The following DSCAM variants were observed in gnomAD, a reference collection of about 807,000 sequenced individuals.
DSCAM encodes the protein cell adhesion molecule DSCAM.
In DSCAM, 47 loss-of-function variants were observed where a neutral mutation model predicts 217.7. That is an observed-to-expected ratio of 0.22 (90% CI 0.17 to 0.28). The LOEUF is 0.28. DSCAM is among the 10% of genes least tolerant of loss of function. The pLI, the probability that DSCAM is intolerant of heterozygous loss-of-function variation, is 1.00. For missense variants in DSCAM, 2,080 were observed against 2,618.3 expected, an observed-to-expected ratio of 0.79 and a Z score of 4.49; for synonymous variants, 1,056 against 1,015.3, an observed-to-expected ratio of 1.04 and a Z score of -0.76.
intron 1 of DSCAM, among the ~76,000 whole-genome samples, chr21:40,819,080 G>A (rs1987457897): frequency 6.6e-6 from 1 of 152,140 alleles, no homozygotes; most frequent in Non-Finnish European, 1.5e-5. Context: ...AAGGTAGGCT[G>A]GATTCTTCAC....
chr21:40,619,397 C>T (rs2089449442), intron 3 of DSCAM, among the ~76,000 whole-genome samples: 1 of 152,110 alleles, frequency 6.6e-6, no homozygotes, highest in East Asian at 1.9e-4. Flanking sequence ...TCCAGCTAGA[C>T]AGATTCAAAA....
intron 3 of DSCAM, among the ~76,000 whole-genome samples, chr21:40,401,573 G>C (rs567170048): frequency 6.6e-6 from 1 of 152,314 alleles, no homozygotes; most frequent in African/African-American, 2.4e-5. Flanking sequence ...CTTGAAAGTA[G>C]TTTTGACCTT....
chr21:40,474,250 G>A (rs1009207874), intron 3 of DSCAM, among the ~76,000 whole-genome samples: 7 of 151,790 alleles, frequency 4.6e-5, no homozygotes, highest in East Asian at 1.9e-4. Context: ...CAGAGATTGC[G>A]CCACTGCACT....
At chr21:40,152,409 C>T (rs1011719834) in intron 16 of DSCAM, among the ~76,000 whole-genome samples, 1 of 152,214 alleles carries the variant, frequency 6.6e-6, no homozygotes, top group Non-Finnish European at 1.5e-5. Flanking sequence ...TTGAACTTTA[C>T]TCCCCCATTC....
intron 10 of DSCAM, among the ~76,000 whole-genome samples, chr21:40,294,483 A>G (rs2123442162): frequency 6.6e-6 from 1 of 152,360 alleles, no homozygotes; most frequent in African/African-American, 2.4e-5. Flanking sequence ...TGGTGGCCTA[A>G]GTGCCCTTGG....
chr21:40,159,329 A>G (rs1314830512), intron 16 of DSCAM, among the ~76,000 whole-genome samples: 2 of 152,188 alleles, frequency 1.3e-5, no homozygotes, highest in Non-Finnish European at 2.9e-5. Flanking sequence ...GGGAAATGTC[A>G]TCAGCGAGAT....
At chr21:40,834,777 G>A (rs1486096238) in intron 1 of DSCAM, among the ~76,000 whole-genome samples, 1 of 152,020 alleles carries the variant, frequency 6.6e-6, no homozygotes, top group East Asian at 1.9e-4. Flanking sequence ...ACCCAGAGAA[G>A]GCCTCCAGAC....
At chr21:40,789,641 C>T (rs560093361) in intron 1 of DSCAM, among the ~76,000 whole-genome samples, 73 of 151,602 alleles carry the variant, frequency 4.8e-4, no homozygotes, top group East Asian at 2.1e-3. Flanking sequence ...CTGCAAGCTC[C>T]GCCTCCCGGG....
At chr21:40,312,431 G>T (rs757163930) in intron 8 of DSCAM, 72 bp from the exon 9 acceptor site, 2 of 1,527,060 alleles carry the variant, frequency 1.3e-6, no homozygotes, top group East Asian at 4.9e-5. Context: ...CCCTGTATAC[G>T]GCACTGAAAG....
At chr21:40,769,249 G>C (rs145956962) in intron 1 of DSCAM, among the ~76,000 whole-genome samples, 187 of 152,294 alleles carry the variant, frequency 1.2e-3, no homozygotes, top group African/African-American at 4.3e-3. Flanking sequence ...TTGATAGTTG[G>C]TCCTGAGCCA....
chr21:40,107,908 C>A (rs1379290783), intron 20 of DSCAM, among the ~76,000 whole-genome samples: 1 of 151,884 alleles, frequency 6.6e-6, no homozygotes, highest in Admixed American at 6.6e-5. Flanking sequence ...TTATTTTGAG[C>A]CAATGTGATT....
intron 3 of DSCAM, among the ~76,000 whole-genome samples, chr21:40,454,554 T>C (rs2075748011): frequency 6.6e-6 from 1 of 152,180 alleles, no homozygotes; most frequent in Admixed American, 6.5e-5. Context: ...AGAGGAAGGA[T>C]GGGCAAAGAG....
At chr21:40,559,080 G>T (rs1338005489) in intron 3 of DSCAM, among the ~76,000 whole-genome samples, 1 of 152,208 alleles carries the variant, frequency 6.6e-6, no homozygotes, top group African/African-American at 2.4e-5. Flanking sequence ...CTCTTAAAAT[G>T]CACAGGTAGG....
chr21:40,408,160 A>G (rs1230817112), intron 3 of DSCAM, among the ~76,000 whole-genome samples: 3 of 152,064 alleles, frequency 2.0e-5, no homozygotes, highest in Admixed American at 2.0e-4. Context: ...CCCAACATGA[A>G]AACAAAGAAT....
At chr21:40,339,487 C>A (rs961042422) in intron 6 of DSCAM, 72 bp from the exon 7 acceptor site, 6 of 1,396,208 alleles carry the variant, frequency 4.3e-6, no homozygotes. Context: ...ATATGTCTTT[C>A]ATGTCTAGGG....
chr21:40,096,309 T>G (rs2089675905), intron 20 of DSCAM, among the ~76,000 whole-genome samples: 1 of 152,064 alleles, frequency 6.6e-6, no homozygotes, highest in Admixed American at 6.6e-5. Flanking sequence ...TTGGTTGATG[T>G]CTCATGTCTC....
At chr21:40,725,705 G>T (rs952715375) in intron 1 of DSCAM, among the ~76,000 whole-genome samples, 3 of 152,126 alleles carry the variant, frequency 2.0e-5, no homozygotes, top group Admixed American at 6.5e-5. Flanking sequence ...GTGAGAAAAG[G>T]TGCCATCATT....
At chr21:40,669,274 G>A (rs2090241121) in intron 3 of DSCAM, among the ~76,000 whole-genome samples, 1 of 152,082 alleles carries the variant, frequency 6.6e-6, no homozygotes, top group Non-Finnish European at 1.5e-5. Context: ...GCTCACTGAT[G>A]AATAATTATG....
intron 3 of DSCAM, among the ~76,000 whole-genome samples, chr21:40,427,635 C>T (rs1601634857): frequency 6.6e-6 from 1 of 152,308 alleles, no homozygotes; most frequent in East Asian, 1.9e-4. Flanking sequence ...TATGCAAAAT[C>T]TCTACAGCAC....
Sources: allele counts gnomAD v4.1 joint callset (sites outside exome capture counted in the v4.1 genomes callset), GRCh38; gene constraint gnomAD v4.1.1; transcripts MANE v1.5; gene names NCBI Gene and HGNC (gene_info 2026-07-23, HGNC 2026-07-21).